The following PDE1C variants were observed in gnomAD, a reference collection of about 807,000 sequenced individuals.
The protein encoded by PDE1C is dual specificity calcium/calmodulin-dependent 3',5'-cyclic nucleotide phosphodiesterase 1C.
PDE1C carries 62 observed loss-of-function variants against 93.1 expected under a neutral mutation model. The ratio of observed to expected loss-of-function variants is 0.67; its 90% CI spans 0.54 to 0.82. PDE1C has a LOEUF of 0.82. Among genes scored for constraint, PDE1C ranks in the 40% least tolerant of loss-of-function variants. The pLI is 0.00. For missense variants in PDE1C, 742 were observed against 884.6 expected (o/e 0.84, Z 2.04); for synonymous variants, 325 against 310.1 (o/e 1.05, Z -0.50).
At chr7:32,112,446 A>T (rs1798693533) in intron 3 of PDE1C, among the ~76,000 whole-genome samples, 1 of 151,946 alleles carries the variant, frequency 6.6e-6, no homozygotes, top group Non-Finnish European at 1.5e-5. Flanking sequence ...TTAAAAACCT[A>T]ATTTTAGTTT....
intron 1 of PDE1C, among the ~76,000 whole-genome samples, chr7:32,392,660 T>G (rs1784772487): frequency 6.6e-6 from 1 of 152,184 alleles, no homozygotes; most frequent in East Asian, 1.9e-4. Flanking sequence ...TAATGTAGTA[T>G]GCTATATTAA....
At chr7:31,676,363 G>A in the PDE1C span, among the ~76,000 whole-genome samples, 9 of 151,940 alleles carry the variant, frequency 5.9e-5, no homozygotes, top group African/African-American at 1.9e-4. Context: ...ATAACACTAA[G>A]AGCATTCTCT....
At chr7:32,189,567 G>T (rs1471705423) in intron 2 of PDE1C, among the ~76,000 whole-genome samples, 1 of 152,122 alleles carries the variant, frequency 6.6e-6, no homozygotes, top group Admixed American at 6.5e-5. Flanking sequence ...TTCCAGGGCT[G>T]ATTTTTAACC....
At chr7:32,068,466 A>G (rs914966429) in intron 1 of PDE1C, among the ~76,000 whole-genome samples, 1 of 152,226 alleles carries the variant, frequency 6.6e-6, no homozygotes, top group African/African-American at 2.4e-5. Context: ...ATAACAAATA[A>G]TAGCATCTCC....
chr7:32,097,053 C>A, intron 3 of PDE1C, among the ~76,000 whole-genome samples: 1 of 152,232 alleles, frequency 6.6e-6, no homozygotes, highest in Non-Finnish European at 1.5e-5. Flanking sequence ...CACATCCAGT[C>A]CAGAAAAGAC....
the PDE1C span, among the ~76,000 whole-genome samples, chr7:31,644,344 TC>T: frequency 6.6e-6 from 1 of 152,234 alleles, no homozygotes; most frequent in African/African-American, 2.4e-5. Flanking sequence ...AGCCATTTAA[TC>T]TTTTTGTAAA....
intron 3 of PDE1C, among the ~76,000 whole-genome samples, 160 bp downstream of exon 3, chr7:31,880,587 G>C (rs926703264): frequency 6.6e-6 from 1 of 152,136 alleles, no homozygotes; most frequent in Non-Finnish European, 1.5e-5. Flanking sequence ...GAGAGTAAGT[G>C]ACTTGTCCAA....
chr7:32,264,807 A>C (rs537377884), intron 1 of PDE1C, among the ~76,000 whole-genome samples: 1 of 152,214 alleles, frequency 6.6e-6, no homozygotes, highest in Non-Finnish European at 1.5e-5. Context: ...GCCAGAAAAC[A>C]ACCAACCATA....
intron 2 of PDE1C, among the ~76,000 whole-genome samples, chr7:32,000,829 T>C (rs1039671258): frequency 1.3e-5 from 2 of 152,232 alleles, no homozygotes; most frequent in Non-Finnish European, 1.5e-5. Flanking sequence ...CCATTTCATA[T>C]GGAATATATT....
chr7:32,187,228 A>G (rs1470365433), intron 2 of PDE1C, among the ~76,000 whole-genome samples: 1 of 152,078 alleles, frequency 6.6e-6, no homozygotes, highest in African/African-American at 2.4e-5. Flanking sequence ...TCCTGGGCTC[A>G]AGCAATACTC....
intron 2 of PDE1C, among the ~76,000 whole-genome samples, chr7:31,957,044 T>C (rs1271063726): frequency 1.3e-5 from 2 of 151,710 alleles, no homozygotes; most frequent in Non-Finnish European, 2.9e-5. Flanking sequence ...CAATGAGCAA[T>C]AAAAATAGGA....
chr7:32,227,326 C>G (rs909993269), intron 1 of PDE1C, among the ~76,000 whole-genome samples: 38 of 152,312 alleles, frequency 2.5e-4, no homozygotes, highest in African/African-American at 8.9e-4. Context: ...CACCCTATAC[C>G]ACCCACGACA....
At chr7:31,675,921 A>C in the PDE1C span, among the ~76,000 whole-genome samples, 2 of 152,160 alleles carry the variant, frequency 1.3e-5, no homozygotes, top group Admixed American at 1.3e-4. Flanking sequence ...TATCCATCTG[A>C]AGATCTGGGT....
the PDE1C span, among the ~76,000 whole-genome samples, chr7:31,673,151 T>TG: frequency 1.3e-5 from 2 of 152,030 alleles, no homozygotes; most frequent in African/African-American, 2.4e-5. Flanking sequence ...ACTAATACAG[T>TG]GGGGAAAAAA....
chr7:31,875,793 CTATATATATATATATATATATATA>C lies in PDE1C; in HGVS notation c.492+2153_492+2176del, dbSNP rs71559206. 1.5e-3 allele frequency among the ~76,000 whole-genome samples: 66 copies of C among 43,082 alleles called. 4 individuals carry two copies. The highest frequency in any genetic ancestry group is 2.3e-3 in the Non-Finnish European group (39 of 16,846). 28.3% of individuals were successfully genotyped at this position (43,082 alleles called of 152,430 possible). A position where few individuals can be genotyped will look rare whatever the true frequency, so the allele number is the denominator to read the frequency against. ...AACACCTCAAGTTAGAAGCTTACAT[CTATATATATATATATATATATATA>C]TATATATATATATATATAATGGAAA... On this transcript the variant is annotated intron_variant, in intron 5 of 17. Transcript: ENST00000396191.
chr7:31,788,106 G>C (rs1449832941), intron 16 of PDE1C: 1 of 151,990 alleles, frequency 6.6e-6, no homozygotes, highest in African/African-American at 2.4e-5. Context: ...TTTTATTGGT[G>C]CTAGAAAAAA....
At chr7:32,265,055 T>C (rs1379941400) in intron 1 of PDE1C, among the ~76,000 whole-genome samples, 1 of 151,870 alleles carries the variant, frequency 6.6e-6, no homozygotes, top group Non-Finnish European at 1.5e-5. Flanking sequence ...AAATTAAGGG[T>C]AGTAATGGGT....
chr7:31,808,321 T>C, intron 16 of PDE1C: 2 of 327,718 alleles, frequency 6.1e-6, no homozygotes, highest in East Asian at 9.6e-5. Flanking sequence ...TGTCTGTGTA[T>C]GAGGGGATAA....
At chr7:31,907,227 A>C (rs1800715459) in intron 2 of PDE1C, among the ~76,000 whole-genome samples, 1 of 152,136 alleles carries the variant, frequency 6.6e-6, no homozygotes. Flanking sequence ...ATATTACGTA[A>C]AAATTAAGTC....
Sources: gnomAD v4.1 joint callset for allele counts (sites outside exome capture counted in the v4.1 genomes callset) on GRCh38, gnomAD v4.1.1 for gene constraint, MANE v1.5 for transcripts, NCBI Gene and HGNC (gene_info 2026-07-23, HGNC 2026-07-21) for gene names.